MALT1: variants seen among roughly 807,000 people sequenced by gnomAD.
MALT1 encodes MALT1 paracaspase.
MALT1 carries 36 observed loss-of-function variants against 85.5 expected under a neutral mutation model. That is an observed-to-expected ratio of 0.42 (90% CI 0.32 to 0.56). The LOEUF is 0.56. Among genes scored for constraint, MALT1 ranks in the 20% least tolerant of loss-of-function variants. The probability of loss-of-function intolerance (pLI) is 0.10; values close to 1 mark genes in which losing one functional copy is unlikely to be tolerated. For missense variants in MALT1, 716 were observed against 981.6 expected, an observed-to-expected ratio of 0.73 and a Z score of 3.62; for synonymous variants, 359 against 361.3, an observed-to-expected ratio of 0.99 and a Z score of 0.07.
rs1000762188 is a variant in MALT1 at position 58,733,280 on chromosome 18, C to T, written c.1223-117C>T. The stretch of plus-strand genomic sequence containing the variant: ...TAATTGGGTATTTCTTACATATGCT[C>T]ACATCAACCTGAAGAAAATTAAAGT... On this transcript the variant is annotated intron_variant, in intron 10 of 16. Coordinates refer to ENST00000649217, the MANE Select transcript of MALT1 (RefSeq NM_006785.4). 1.5e-5 allele frequency: 10 copies of T among 657,262 alleles called. 1 individual carries two copies. In the South Asian group the frequency reaches 2.1e-4, roughly 14 times the overall value. 40.7% of individuals were successfully genotyped at this position (657,262 alleles called of 1,614,324 possible).
chr18:58,679,775 C>T (rs1383235095), intron 1 of MALT1, among the ~76,000 whole-genome samples: 5 of 152,178 alleles, frequency 3.3e-5, no homozygotes, highest in Non-Finnish European at 5.9e-5. Context: ...TCTCAAACTC[C>T]TGGCTTGATG....
At chr18:58,713,103 A>C (rs1179900636) in intron 7 of MALT1, among the ~76,000 whole-genome samples, 1 of 151,886 alleles carries the variant, frequency 6.6e-6, no homozygotes, top group Admixed American at 6.6e-5. Context: ...TACTGAAGGC[A>C]AAAAAAATTG....
intron 10 of MALT1, among the ~76,000 whole-genome samples, chr18:58,730,679 A>G (rs1200403906): frequency 6.6e-6 from 1 of 152,116 alleles, no homozygotes. Flanking sequence ...ATGGTAATCT[A>G]TATTTAACTT....
intron 2 of MALT1, among the ~76,000 whole-genome samples, chr18:58,686,010 G>A (rs1435502605): frequency 6.6e-6 from 1 of 151,914 alleles, no homozygotes; most frequent in African/African-American, 2.4e-5. Context: ...AGTTCAAGGT[G>A]CTTTTGTTTC....
intron 2 of MALT1, among the ~76,000 whole-genome samples, chr18:58,687,758 C>T (rs1186930048): frequency 6.6e-6 from 1 of 152,104 alleles, no homozygotes; most frequent in East Asian, 1.9e-4. Context: ...AGCTATGTGT[C>T]CTTTTGTCAA....
chr18:58,737,780 G>A (rs1232534676), intron 13 of MALT1, among the ~76,000 whole-genome samples: 3 of 152,010 alleles, frequency 2.0e-5, no homozygotes, highest in East Asian at 1.9e-4. Context: ...ATAGGGTTTC[G>A]CCATGTTGGC....
intron 13 of MALT1, 110 bp downstream of exon 13, chr18:58,735,439 G>GA (rs1372898897): frequency 2.4e-4 from 272 of 1,144,052 alleles, no homozygotes; most frequent in Non-Finnish European, 3.2e-4. Flanking sequence ...TGTGGGTTTG[G>GA]AATTAGTACC....
intron 9 of MALT1, among the ~76,000 whole-genome samples, chr18:58,721,774 C>A (rs2054986697): frequency 6.6e-6 from 1 of 152,152 alleles, no homozygotes; most frequent in Non-Finnish European, 1.5e-5. Context: ...GTCGAGTCAG[C>A]AATGTGATTA....
At chr18:58,710,832 T>A in intron 6 of MALT1, 89 bp from the exon 7 acceptor site, 1 of 783,912 alleles carries the variant, frequency 1.3e-6, no homozygotes, top group Non-Finnish European at 2.1e-6. Context: ...CAACATTATC[T>A]CTATGATATT....
rs974213580 is a variant in MALT1, at chr18:58,733,478, G to A, written c.1304G>A (p.Arg435Lys). Residue 435 changes from arginine to lysine, a missense_variant, in exon 11 of 17, where the codon AGG becomes AAG. By Grantham distance (26) the Arg-to-Lys change is conservative (BLOSUM62 2). Transcript: ENST00000649217. The part of the protein sequence containing the change: ...MVPVDAPNPY[R>K]SENCLCVQNI... Reference sequence around the variant, plus strand: ...CCCGTTGATGCTCCAAATCCATATAGGTCTGAAAATTGTCTGTGTGTACAA... The same window carrying A: ...CCCGTTGATGCTCCAAATCCATATAAGTCTGAAAATTGTCTGTGTGTACAA... 6.2e-7 allele frequency: 1 copy of A among 1,613,216 alleles called. No homozygotes were observed. Among genetic ancestry groups the A allele is most frequent in the Non-Finnish European group, 8.5e-7 (1 of 1,179,420 alleles).
At chr18:58,684,607 C>A (rs1469993720) in intron 2 of MALT1, among the ~76,000 whole-genome samples, 4 of 151,950 alleles carry the variant, frequency 2.6e-5, no homozygotes, top group African/African-American at 4.8e-5. Context: ...CCACCACGCC[C>A]AGCTAATTTT....
chr18:58,683,138 A>G (rs1167658813), intron 2 of MALT1, among the ~76,000 whole-genome samples: 1 of 152,134 alleles, frequency 6.6e-6, no homozygotes, highest in African/African-American at 2.4e-5. Flanking sequence ...TGACATTTGA[A>G]ATCTACTAGT....
chr18:58,676,239 T>G (rs891394156), intron 1 of MALT1, among the ~76,000 whole-genome samples: 1 of 152,136 alleles, frequency 6.6e-6, no homozygotes, highest in African/African-American at 2.4e-5. Flanking sequence ...CTCAAAACTC[T>G]CCTATTGTGG....
intron 10 of MALT1, among the ~76,000 whole-genome samples, chr18:58,725,941 A>G (rs1156744571): frequency 1.3e-5 from 2 of 152,130 alleles, no homozygotes; most frequent in African/African-American, 4.8e-5. Flanking sequence ...GGCACCTGTA[A>G]TCCCAGCTAC....
At chr18:58,717,187 AC>A (rs2054913997) in intron 9 of MALT1, among the ~76,000 whole-genome samples, 1 of 151,940 alleles carries the variant, frequency 6.6e-6, no homozygotes, top group African/African-American at 2.4e-5. Flanking sequence ...ACATGGAGAA[AC>A]CCCGTCTCTA....
chr18:58,711,362 A>G (rs189964035), intron 7 of MALT1, among the ~76,000 whole-genome samples: 9 of 152,334 alleles, frequency 5.9e-5, no homozygotes, highest in African/African-American at 2.2e-4. Context: ...ATGCTCTCAA[A>G]TGAAATTTAG....
intron 4 of MALT1, among the ~76,000 whole-genome samples, chr18:58,709,031 T>C (rs1458946830): frequency 1.3e-5 from 2 of 152,238 alleles, no homozygotes; most frequent in Non-Finnish European, 2.9e-5. Flanking sequence ...AATAAGTTGT[T>C]TGCCTCGATC....
rs1041971213 is a variant in MALT1, at chr18:58,749,124, C to G, written c.*1282C>G. On this transcript the variant is annotated 3_prime_UTR_variant, in exon 17 of 17. Transcript: ENST00000649217. ...GTTCAACATCTAAAAATCAAATAAGCTAATATACAGTCAGTTCTCATTATT... is the reference window on the plus strand; with the variant it reads ...GTTCAACATCTAAAAATCAAATAAGGTAATATACAGTCAGTTCTCATTATT... The G allele has an allele frequency of 9.2e-6, 2 of 217,926 alleles. No homozygotes were observed. The highest frequency in any genetic ancestry group is 4.5e-5 in the African/African-American group (2 of 44,462). 13.5% of individuals were successfully genotyped at this position (217,926 alleles called of 1,614,324 possible). A position where few individuals can be genotyped will look rare whatever the true frequency, so the allele number is the denominator to read the frequency against.
At chr18:58,721,906 GCAGTTCTACC>G (rs1400838341) in intron 9 of MALT1, among the ~76,000 whole-genome samples, 2 of 152,204 alleles carry the variant, frequency 1.3e-5, no homozygotes, top group African/African-American at 4.8e-5. Context: ...GGGGTGGCCT[GCAGTTCTACC>G]CAGGCGGCTC....
Sources: gnomAD v4.1 joint callset for allele counts (sites outside exome capture counted in the v4.1 genomes callset) on GRCh38, gnomAD v4.1.1 for gene constraint, MANE v1.5 for transcripts, NCBI Gene and HGNC (gene_info 2026-07-23, HGNC 2026-07-21) for gene names.